Variants in RNF2 observed in about 807,000 individuals in gnomAD.
RNF2 encodes ring finger protein 2, also known as E3 ubiquitin-protein ligase RING2.
A neutral mutation model predicts 37.2 loss-of-function variants in RNF2; 6 were observed. That is an observed-to-expected ratio of 0.16 (90% confidence interval 0.09 to 0.32). The LOEUF (loss-of-function observed/expected upper bound fraction) is 0.32. Ranked by LOEUF, RNF2 falls within the 10% of genes least tolerant of loss-of-function variation. The probability of loss-of-function intolerance (pLI) is 1.00; values close to 1 mark genes in which losing one functional copy is unlikely to be tolerated. For synonymous variants in RNF2, 133 were observed against 132.7 expected, an observed-to-expected ratio of 1.00 and a Z score of -0.02; for missense variants, 251 against 404.0, an observed-to-expected ratio of 0.62 and a Z score of 3.25.
At chr1:185,079,802 G>A (rs1380960315) in intron 1 of RNF2, among the ~76,000 whole-genome samples, 3 of 152,092 alleles carry the variant, frequency 2.0e-5, no homozygotes, top group Admixed American at 6.5e-5. Flanking sequence ...GGTGCTGGGC[G>A]CCTTGTAGTC....
rs937147960 is a variant in RNF2 at position 185,091,788 on chromosome 1, G to C, written c.248+49G>C. ...CTAGGTACTTAATTGTACCACGAAAGTGCTTTCCAGGGTTTGAGAAATACA... is the reference window on the plus strand; with the variant it reads ...CTAGGTACTTAATTGTACCACGAAACTGCTTTCCAGGGTTTGAGAAATACA... On this transcript the variant is annotated intron_variant, in intron 3 of 6. Transcript: ENST00000367510. 7 of 1,467,036 alleles carry C rather than the reference G, an allele frequency of 4.8e-6. No individual in the cohort carries two copies. The African/African-American group carries it at 5.7e-5, about 12-fold the overall frequency. The allele number at this position is 1,467,036 out of a possible 1,614,324, so 90.9% of individuals were successfully genotyped here.
At chr1:185,073,291 T>C (rs1359358433) in intron 1 of RNF2, among the ~76,000 whole-genome samples, 1 of 152,146 alleles carries the variant, frequency 6.6e-6, no homozygotes, top group Non-Finnish European at 1.5e-5. Context: ...TTTCTTTTTA[T>C]TTTTAATTTT....
Position 185,049,898 on chromosome 1 carries a change from A to T in RNF2, c.-3+4249A>T, listed in dbSNP as rs150412315. 1.8e-3 allele frequency among the ~76,000 whole-genome samples: 278 copies of T among 152,276 alleles called. 1 individual carries two copies. The highest frequency in any genetic ancestry group is 2.9e-3 in the Admixed American group (44 of 15,304). On this transcript the variant is annotated intron_variant, in intron 1 of 6. Coordinates refer to ENST00000367510, the MANE Select transcript of RNF2 (RefSeq NM_007212.4). ...GGGTCAGGGGCTGCATTTGCTACTG[A>T]CAGGAACTGGAAAGATGTCCCGTCT... is the stretch of plus-strand genomic sequence containing the variant.
At chr1:185,084,903 T>G (rs1651535059) in intron 1 of RNF2, among the ~76,000 whole-genome samples, 2 of 152,124 alleles carry the variant, frequency 1.3e-5, no homozygotes, top group African/African-American at 4.8e-5. Context: ...TGATTACCAG[T>G]CTGTTAACCG....
intron 1 of RNF2, among the ~76,000 whole-genome samples, chr1:185,054,941 C>A (rs1039483892): frequency 2.6e-5 from 4 of 152,210 alleles, no homozygotes; most frequent in Non-Finnish European, 5.9e-5. Context: ...CACAAGCAGT[C>A]CGCCTGCCTC....
chr1:185,100,122 G>T (rs1652036049), intron 6 of RNF2, 78 bp from the exon 7 acceptor site: 6 of 1,263,426 alleles, frequency 4.7e-6, no homozygotes, highest in Non-Finnish European at 6.7e-6. Flanking sequence ...AGATTCTGTG[G>T]ACTTCCATTT....
intron 1 of RNF2, among the ~76,000 whole-genome samples, chr1:185,082,345 C>CTTTTTTTTGTTTTTTTTTTTTTTTTTT (rs1651443899): frequency 1.4e-5 from 1 of 72,000 alleles, no homozygotes; most frequent in Non-Finnish European, 2.9e-5. Flanking sequence ...CTCTGCAGAA[C>CTTTTTTTTGTTTTTTTTTTTTTTTTTT]TTTTTTTTTT....
In RNF2 at chr1:185,094,068, T is replaced by C. The variant is rs1370110924; in HGVS notation, c.464+792T>C. Among the ~76,000 whole-genome samples, 11 of 152,172 alleles carry C rather than the reference T, an allele frequency of 7.2e-5. 1 individual carries two copies. The highest frequency in any genetic ancestry group is 5.2e-4 in the Admixed American group (8 of 15,276). On this transcript the variant is annotated intron_variant, in intron 4 of 6. Transcript: ENST00000367510. ...CTTACTCCCTACTTCTCTTCATTCT[T>C]ACTCATTTTGGTTGATGGCAATTCC...
intron 1 of RNF2, among the ~76,000 whole-genome samples, chr1:185,059,650 T>G (rs754718586): frequency 1.6e-4 from 24 of 152,268 alleles, no homozygotes; most frequent in Non-Finnish European, 3.4e-4. Context: ...ATATGTTTGG[T>G]TGGGGGCTAA....
intron 1 of RNF2, among the ~76,000 whole-genome samples, chr1:185,057,383 A>T (rs1650465008): frequency 6.6e-6 from 1 of 152,214 alleles, no homozygotes; most frequent in African/African-American, 2.4e-5. Context: ...ATTTTTAATG[A>T]TTAATATTTT....
intron 3 of RNF2, among the ~76,000 whole-genome samples, chr1:185,092,712 CAT>C (rs894484623): frequency 2.6e-5 from 4 of 151,666 alleles, no homozygotes; most frequent in South Asian, 4.2e-4. Context: ...TATAAATTAA[CAT>C]ATATATATTA....
At chr1:185,055,224 C>T (rs1650398818) in intron 1 of RNF2, among the ~76,000 whole-genome samples, 1 of 152,160 alleles carries the variant, frequency 6.6e-6, no homozygotes, top group Non-Finnish European at 1.5e-5. Context: ...TTTCTAATAT[C>T]TGCATTATAC....
chr1:185,087,501 G>A, intron 1 of RNF2, 51 bp from the exon 2 acceptor site: 1 of 1,461,010 alleles, frequency 6.8e-7, no homozygotes, highest in Non-Finnish European at 9.6e-7. Flanking sequence ...TCAGACCATA[G>A]CACTTCCCTT....
chr1:185,049,262 C>T (rs777579701), intron 1 of RNF2, among the ~76,000 whole-genome samples: 10 of 152,184 alleles, frequency 6.6e-5, no homozygotes, highest in Non-Finnish European at 1.2e-4. Context: ...GATGTGAGAA[C>T]TGGGACCACT....
At chr1:185,085,547 T>G (rs1651568915) in intron 1 of RNF2, among the ~76,000 whole-genome samples, 1 of 151,488 alleles carries the variant, frequency 6.6e-6, no homozygotes, top group Non-Finnish European at 1.5e-5. Flanking sequence ...TCATACAGGT[T>G]TTTAACAACT....
chr1:185,083,681 A>T (rs1252646817), intron 1 of RNF2, among the ~76,000 whole-genome samples: 1 of 152,032 alleles, frequency 6.6e-6, no homozygotes, highest in Non-Finnish European at 1.5e-5. Context: ...TCTGTTGCCC[A>T]GGCTGGAGTG....
intron 3 of RNF2, among the ~76,000 whole-genome samples, chr1:185,092,167 T>A (rs1651785105): frequency 6.6e-6 from 1 of 150,678 alleles, no homozygotes; most frequent in South Asian, 2.1e-4. Context: ...TTTTCTTCTT[T>A]CCCCTTTCCC....
chr1:185,088,834 A>G (rs562361529), intron 2 of RNF2, among the ~76,000 whole-genome samples: 2 of 152,356 alleles, frequency 1.3e-5, no homozygotes, highest in African/African-American at 4.8e-5. Context: ...GAGGTGCTGT[A>G]TGGGCATTGT....
At chr1:185,072,605 A>C (rs1390042854) in intron 1 of RNF2, among the ~76,000 whole-genome samples, 1 of 152,108 alleles carries the variant, frequency 6.6e-6, no homozygotes, top group Non-Finnish European at 1.5e-5. Context: ...AAGGACTCTA[A>C]AATGAGAATG....
Sources: gnomAD v4.1 joint callset for allele counts (sites outside exome capture counted in the v4.1 genomes callset) on GRCh38, gnomAD v4.1.1 for gene constraint, MANE v1.5 for transcripts, NCBI Gene and HGNC (gene_info 2026-07-23, HGNC 2026-07-21) for gene names.